Variants in DNAH6 observed in about 807,000 individuals in gnomAD.
DNAH6 encodes the protein axonemal beta dynein heavy chain 6.
DNAH6 carries 340 observed loss-of-function variants against 491.4 expected under a neutral mutation model. That is an observed-to-expected ratio of 0.69 (90% CI 0.63 to 0.76). The LOEUF (loss-of-function observed/expected upper bound fraction) is 0.76. DNAH6 is among the 30% of genes least tolerant of loss of function. DNAH6 has a pLI of 0.00. For missense variants in DNAH6, 4,443 were observed against 4,972.2 expected, an observed-to-expected ratio of 0.89 and a Z score of 3.20; for synonymous variants, 1,603 against 1,686.1, an observed-to-expected ratio of 0.95 and a Z score of 1.21.
intron 33 of DNAH6, among the ~76,000 whole-genome samples, chr2:84,644,526 CATCCCAT>C (rs1304777630): frequency 6.6e-6 from 1 of 151,784 alleles, no homozygotes; most frequent in Non-Finnish European, 1.5e-5. Context: ...CTGCACAGAT[CATCCCAT>C]CACCCAGGCA....
intron 54 of DNAH6, among the ~76,000 whole-genome samples, chr2:84,709,064 C>A (rs1016621287): frequency 6.6e-6 from 1 of 152,258 alleles, no homozygotes; most frequent in African/African-American, 2.4e-5. Context: ...TTGAAAACCA[C>A]TGCGACAACC....
chr2:84,602,957 C>T (rs1201551761), intron 18 of DNAH6, among the ~76,000 whole-genome samples: 1 of 151,372 alleles, frequency 6.6e-6, no homozygotes, highest in Non-Finnish European at 1.5e-5. Context: ...CATTTTTGTT[C>T]GATTTGTAAT....
rs188048898 is a variant in DNAH6, at chr2:84,635,295, T to C, written c.4653+654T>C. 1.2e-4 allele frequency among the ~76,000 whole-genome samples: 19 copies of C among 152,330 alleles called. No homozygotes were observed. The East Asian group carries it at 1.9e-3, about 15-fold the overall frequency. ...TGAGCTACTAAATTGTGTAAGTCAT[T>C]ATGGTATGTGCTCACACTTATTTCA... On this transcript the variant is annotated intron_variant, in intron 30 of 76. Transcript: ENST00000389394.
At chr2:84,460,129 G>C in the DNAH6 span, 1 of 152,160 alleles carries the variant, frequency 6.6e-6, no homozygotes, top group African/African-American at 2.4e-5. Flanking sequence ...GCCGAAAATC[G>C]TGCTCCTGAG....
the DNAH6 span, among the ~76,000 whole-genome samples, chr2:84,507,844 G>A: frequency 6.6e-6 from 1 of 152,152 alleles, no homozygotes; most frequent in Non-Finnish European, 1.5e-5. Context: ...TTTGTCTTTG[G>A]TTCTGTTTAT....
At chr2:84,734,856 C>T (rs1699406593) in intron 62 of DNAH6, among the ~76,000 whole-genome samples, 1 of 152,090 alleles carries the variant, frequency 6.6e-6, no homozygotes, top group Non-Finnish European at 1.5e-5. Context: ...TCACTCTTTA[C>T]TCTGAATAAT....
At chr2:84,780,698 TG>T (rs924668549) in intron 64 of DNAH6, among the ~76,000 whole-genome samples, 2 of 152,240 alleles carry the variant, frequency 1.3e-5, no homozygotes, top group African/African-American at 4.8e-5. Flanking sequence ...TTTTTTGAAT[TG>T]CCAGAATTCT....
the DNAH6 span, among the ~76,000 whole-genome samples, chr2:84,467,178 CTT>C: frequency 6.6e-6 from 1 of 152,314 alleles, no homozygotes; most frequent in African/African-American, 2.4e-5. Flanking sequence ...TTTCACAAAA[CTT>C]TTACAACTTG....
chr2:84,709,374 C>T lies in DNAH6; in HGVS notation c.9080C>T (p.Ser3027Phe), dbSNP rs748322842. The change falls in exon 55 of 77, where the codon TCT becomes TTT. Residue 3027 changes from serine (S) to phenylalanine (F), a missense_variant. By Grantham distance (155) the Ser-to-Phe change is radical. This residue lies in a region of DNAH6 where 1,463 missense variants were observed against 1,656.6 expected (regional missense o/e 0.88). Coordinates refer to ENST00000389394, the MANE Select transcript of DNAH6 (RefSeq NM_001370.2). ...GAGTGTTGGATCCAGGACTGTCAGTCTCTGGAGATCCCAATCGATCCTTCC... is the reference window on the plus strand; with the variant it reads ...GAGTGTTGGATCCAGGACTGTCAGTTTCTGGAGATCCCAATCGATCCTTCC... Reference protein sequence around the residue: ...LIECWIQDCQSLEIPIDPSFS... With the variant: ...LIECWIQDCQFLEIPIDPSFS... The T allele has an allele frequency of 5.4e-5, 84 of 1,551,572 alleles. No homozygotes were observed. The highest frequency in any genetic ancestry group is 5.4e-5 in the Non-Finnish European group (62 of 1,147,002).
At chr2:84,494,293 G>T in the DNAH6 span, among the ~76,000 whole-genome samples, 1 of 152,160 alleles carries the variant, frequency 6.6e-6, no homozygotes, top group Non-Finnish European at 1.5e-5. Flanking sequence ...TGATTTGTTT[G>T]CCGGATACAG....
chr2:84,652,184 C>A (rs1690514715), intron 33 of DNAH6, among the ~76,000 whole-genome samples: 1 of 152,048 alleles, frequency 6.6e-6, no homozygotes, highest in Non-Finnish European at 1.5e-5. Context: ...AGGGTTTGCA[C>A]ATTTTTTATT....
In DNAH6 at chr2:84,762,886, A is replaced by G; in HGVS notation, c.10644A>G (p.Thr3548=). The change falls in exon 64 of 77, where the codon ACA becomes ACG. Residue 3548 remains threonine (T), a synonymous_variant. Coordinates refer to ENST00000389394, the MANE Select transcript of DNAH6 (RefSeq NM_001370.2). ...CNTPLVFILS[T]GSDPMGAFQR... The stretch of plus-strand genomic sequence containing the variant: ...CTCCCCTGGTATTCATCCTAAGCAC[A>G]GGCTCAGATCCCATGGGTGCATTTC... The G allele has an allele frequency of 6.4e-7, 1 of 1,551,660 alleles. No individual in the cohort carries two copies. Among genetic ancestry groups the G allele is most frequent in the Non-Finnish European group, 8.7e-7 (1 of 1,146,874 alleles).
intron 60 of DNAH6, among the ~76,000 whole-genome samples, chr2:84,723,798 G>T (rs780531434): frequency 6.6e-6 from 1 of 152,148 alleles, no homozygotes; most frequent in Non-Finnish European, 1.5e-5. Flanking sequence ...TTCATCTGCT[G>T]TCTCATGAGT....
chr2:84,588,120 A>G (rs1683747285), intron 15 of DNAH6, among the ~76,000 whole-genome samples: 1 of 152,200 alleles, frequency 6.6e-6, no homozygotes, highest in South Asian at 2.1e-4. Flanking sequence ...ATGCCAAGTC[A>G]CAAGACACCA....
At chr2:84,754,192 T>C (rs1176337079) in intron 63 of DNAH6, among the ~76,000 whole-genome samples, 2 of 151,446 alleles carry the variant, frequency 1.3e-5, no homozygotes, top group Non-Finnish European at 2.9e-5. Context: ...TCTTTTCTTT[T>C]CTTTTTGACG....
rs1696847874 is a variant in DNAH6, at chr2:84,709,667, T to G, written c.9252+121T>G. The G allele has an allele frequency of 2.7e-6, 3 of 1,107,424 alleles. No individual in the cohort carries two copies. In the East Asian group the frequency reaches 7.7e-5, roughly 29 times the overall value. 68.6% of individuals were successfully genotyped at this position (1,107,424 alleles called of 1,614,324 possible). A position where few individuals can be genotyped will look rare whatever the true frequency, so the allele number is the denominator to read the frequency against. On this transcript the variant is annotated intron_variant, in intron 55 of 76. Transcript: ENST00000389394. Reference sequence around the variant, plus strand: ...ATTTAGATTTAACATACATGGAGATTTAGACCTAGAAGAGAGTGTTAAAGT... The same window carrying G: ...ATTTAGATTTAACATACATGGAGATGTAGACCTAGAAGAGAGTGTTAAAGT...
chr2:84,763,754 GTGTGTGTGTGTGTA>G (rs1674813445), intron 64 of DNAH6, among the ~76,000 whole-genome samples: 1 of 137,764 alleles, frequency 7.3e-6, no homozygotes, highest in Admixed American at 7.1e-5. Context: ...GTGTGTGTGT[GTGTGTGTGTGTGTA>G]TGAAGTTGCA....
In DNAH6 at chr2:84,637,235, G is replaced by A. The variant is rs1279017669; in HGVS notation, c.4679G>A (p.Arg1560Gln). 1.0e-5 allele frequency: 16 copies of A among 1,547,544 alleles called. No individual in the cohort carries two copies. The highest frequency in any genetic ancestry group is 9.8e-5 in the East Asian group (4 of 40,784). Residue 1560 changes from arginine (R) to glutamine (Q), a missense_variant, in exon 31 of 77, where the codon CGG becomes CAG. Transcript: ENST00000389394. ...CTCTCTAGATTCATGTTTGAGGGGCGGGAAATAAAGTTGGTGATGACTTGT... is the reference window on the plus strand; with the variant it reads ...CTCTCTAGATTCATGTTTGAGGGGCAGGAAATAAAGTTGGTGATGACTTGT... Reference protein sequence around the residue: ...AKLSRFMFEGREIKLVMTCAA... With the variant: ...AKLSRFMFEGQEIKLVMTCAA...
intron 11 of DNAH6, among the ~76,000 whole-genome samples, chr2:84,564,704 G>C (rs1681003631): frequency 6.6e-6 from 1 of 152,054 alleles, no homozygotes. Context: ...TGATTGCTCT[G>C]ACTAGAACTT....
Sources: allele counts gnomAD v4.1 joint callset (sites outside exome capture counted in the v4.1 genomes callset), GRCh38; gene constraint gnomAD v4.1.1; regional missense constraint gnomAD v4.1.1; transcripts MANE v1.5; gene names NCBI Gene and HGNC (gene_info 2026-07-23, HGNC 2026-07-21).